The following EPB41L3 variants were observed in gnomAD, a reference collection of about 807,000 sequenced individuals.
The protein encoded by EPB41L3 is erythrocyte membrane protein band 4.1 like 3.
A neutral mutation model predicts 127.1 loss-of-function variants in EPB41L3; 57 were observed. The observed-to-expected ratio is 0.45, with a 90% confidence interval of 0.36 to 0.56. The LOEUF (loss-of-function observed/expected upper bound fraction) is 0.56, where lower values mean the gene tolerates loss of function less well. Ranked by LOEUF, EPB41L3 falls within the 20% of genes least tolerant of loss-of-function variation. EPB41L3 has a pLI of 0.00. For synonymous variants in EPB41L3, 572 were observed against 549.5 expected (o/e 1.04, Z -0.57); for missense variants, 1,273 against 1,372.2 (o/e 0.93, Z 1.14).
intron 5 of EPB41L3, among the ~76,000 whole-genome samples, chr18:5,438,459 T>C (rs1314683170): frequency 2.0e-5 from 3 of 152,232 alleles, no homozygotes; most frequent in African/African-American, 7.2e-5. Context: ...GCTGGATTTA[T>C]TGCTGCGAAT....
intron 1 of EPB41L3, among the ~76,000 whole-genome samples, chr18:5,511,395 T>C (rs958853390): frequency 8.0e-6 from 1 of 124,440 alleles, no homozygotes; most frequent in Non-Finnish European, 1.7e-5. Context: ...ATTTTGGTTT[T>C]TTTTTTTTTT....
At position 5,397,950 on chromosome 18, in the gene EPB41L3, C is replaced by A. The variant is rs147573779; in HGVS notation, c.2472+71G>T. 1 of 1,596,090 alleles carries A rather than the reference C, an allele frequency of 6.3e-7. No individual in the cohort carries two copies. Among genetic ancestry groups the A allele is most frequent in the Non-Finnish European group, 8.6e-7 (1 of 1,167,576 alleles). On this transcript the variant is annotated intron_variant, in intron 17 of 22. Transcript: ENST00000341928. The surrounding 1 kb of genome is among the most constrained non-coding windows in gnomAD (Gnocchi z 4.1). The stretch of plus-strand genomic sequence containing the variant: ...CCAGCTGGATGCAACCACACACTCA[C>A]GCCCAAAAAAAGGGTAAGGAAAGGC...
intron 3 of EPB41L3, among the ~76,000 whole-genome samples, chr18:5,557,489 A>G (rs2094055934): frequency 6.6e-6 from 1 of 152,076 alleles, no homozygotes; most frequent in African/African-American, 2.4e-5. Context: ...GGCTCAAGCA[A>G]TTCTCCCACC....
chr18:5,452,378 C>CTTT (rs10700644), intron 3 of EPB41L3, among the ~76,000 whole-genome samples: 56 of 145,324 alleles, frequency 3.9e-4, no homozygotes, highest in East Asian at 1.4e-3. Flanking sequence ...GCCTAAAATC[C>CTTT]TTTTTTTTTT....
intron 1 of EPB41L3, among the ~76,000 whole-genome samples, chr18:5,520,875 T>A (rs1405689549): frequency 6.6e-6 from 1 of 152,174 alleles, no homozygotes; most frequent in East Asian, 1.9e-4. Flanking sequence ...AAGAAACCTT[T>A]AAGAATGCAT....
Position 5,428,361 on chromosome 18 carries a change from C to A in EPB41L3, c.1017G>T (p.Lys339Asn). The A allele has an allele frequency of 6.2e-7, 1 of 1,614,182 alleles. No homozygotes were observed. Among genetic ancestry groups the A allele is most frequent in the Non-Finnish European group, 8.5e-7 (1 of 1,180,036 alleles). Residue 339 changes from lysine to asparagine, a missense_variant, in exon 9 of 23, where the codon AAG becomes AAT. This residue lies in a region of EPB41L3 where 326 missense variants were observed against 440.2 expected (regional missense o/e 0.74). Coordinates refer to ENST00000341928, the MANE Select transcript of EPB41L3 (RefSeq NM_012307.5). ...INRFAWPKVL[K>N]ISYKRNNFYI... ...AAAAGTTGTTCCGTTTGTATGAAAT[C>A]TTTAGAACCTTGGGCCAGGCAAATC...
intron 1 of EPB41L3, among the ~76,000 whole-genome samples, chr18:5,541,084 CAAA>C (rs147766745): frequency 1.3e-5 from 1 of 76,326 alleles, no homozygotes; most frequent in African/African-American, 5.7e-5. Flanking sequence ...GACTCCGTCT[CAAA>C]AAAAAAAAAA....
chr18:5,616,427 T>A (rs1436589613), intron 1 of EPB41L3, among the ~76,000 whole-genome samples: 1 of 152,184 alleles, frequency 6.6e-6, no homozygotes, highest in African/African-American at 2.4e-5. Context: ...TAAAGTGTTT[T>A]TATGATGCAA....
At chr18:5,416,852 A>T (rs896320914) in intron 12 of EPB41L3, among the ~76,000 whole-genome samples, 7 of 143,868 alleles carry the variant, frequency 4.9e-5, no homozygotes, top group African/African-American at 1.3e-4. Flanking sequence ...GATTTTGATT[A>T]AAAAAAAAAA....
chr18:5,528,985 T>A (rs548441147), intron 1 of EPB41L3: 10 of 152,354 alleles, frequency 6.6e-5, no homozygotes, highest in African/African-American at 2.4e-4. Context: ...GCACTATTTC[T>A]GCTCATCTGT....
Position 5,419,850 on chromosome 18 carries a change from G to A in EPB41L3, c.1367C>T (p.Thr456Ile). 1.2e-6 allele frequency: 2 copies of A among 1,614,186 alleles called. No homozygotes were observed. The highest frequency in any genetic ancestry group is 8.5e-7 in the Non-Finnish European group (1 of 1,180,036). Residue 456 changes from threonine (T) to isoleucine (I), a missense_variant, in exon 12 of 23, where the codon ACA becomes ATA. Coordinates refer to ENST00000341928, the MANE Select transcript of EPB41L3 (RefSeq NM_012307.5). Reference protein sequence around the residue: ...GEVGTGQYATTKGISQTNLIT... With the variant: ...GEVGTGQYATIKGISQTNLIT... ...CAAGTTGGTCTGAGAGATGCCTTTT[G>A]TTGTGGCGTACTGGCCAGTACCAAC...
intron 1 of EPB41L3, among the ~76,000 whole-genome samples, chr18:5,616,925 T>A (rs1348770289): frequency 6.6e-6 from 1 of 152,254 alleles, no homozygotes; most frequent in African/African-American, 2.4e-5. Context: ...CTTGCTATTA[T>A]GGAGAATTTT....
rs746251961 is a variant in EPB41L3 at position 5,415,866 on chromosome 18, G to T, written c.2019C>A (p.Ser673=). 2 of 1,613,466 alleles carry T rather than the reference G, an allele frequency of 1.2e-6. No homozygotes were observed. Among genetic ancestry groups the T allele is most frequent in the Non-Finnish European group, 8.5e-7 (1 of 1,179,896 alleles). Residue 673 remains serine, a synonymous_variant, in exon 13 of 23, where the codon TCC becomes TCA. Coordinates refer to ENST00000341928, the MANE Select transcript of EPB41L3 (RefSeq NM_012307.5). ...GGTCATTGTCTAGGGAGGCGCTCAA[G>T]GAGGCCGCCTTGGGCTCCAGGTAGC... ...CLCYLEPKAA[S]LSASLDNDPS... is the part of the protein sequence containing the mutation.
intron 1 of EPB41L3, among the ~76,000 whole-genome samples, chr18:5,625,786 A>T: frequency 6.6e-6 from 1 of 152,060 alleles, no homozygotes; most frequent in East Asian, 1.9e-4. Flanking sequence ...TCCCCATTTC[A>T]CTGATGAGGA....
At chr18:5,518,101 T>C (rs922909108) in intron 1 of EPB41L3, among the ~76,000 whole-genome samples, 2 of 152,184 alleles carry the variant, frequency 1.3e-5, no homozygotes, top group African/African-American at 4.8e-5. Context: ...TTACTCATCC[T>C]ATAGAGCTCC....
At chr18:5,456,078 T>C (rs2083011156) in intron 3 of EPB41L3, among the ~76,000 whole-genome samples, 1 of 152,196 alleles carries the variant, frequency 6.6e-6, no homozygotes, top group Non-Finnish European at 1.5e-5. Flanking sequence ...TTGTGATTTA[T>C]AATTCATTTG....
chr18:5,516,833 T>A (rs946021821), intron 1 of EPB41L3, among the ~76,000 whole-genome samples: 2 of 152,238 alleles, frequency 1.3e-5, no homozygotes, highest in Non-Finnish European at 2.9e-5. Context: ...TGGAAAGGCC[T>A]CAATTTGCCA....
At chr18:5,489,330 C>T in intron 1 of EPB41L3, 136 bp from the exon 2 acceptor site, 2 of 960,768 alleles carry the variant, frequency 2.1e-6, no homozygotes, top group Non-Finnish European at 2.9e-6. Context: ...TCCTATTCCA[C>T]ACACTGGACA....
chr18:5,490,435 T>G (rs74473754), intron 1 of EPB41L3, among the ~76,000 whole-genome samples: 23,063 of 152,110 alleles, frequency 0.15, 1,872 homozygotes, highest in Middle Eastern at 0.17. Context: ...TTTAATAATT[T>G]GAAGAAAAGG....
Sources: gnomAD v4.1 joint callset for allele counts (sites outside exome capture counted in the v4.1 genomes callset) on GRCh38, gnomAD v4.1.1 for gene constraint, gnomAD v4.1.1 regional missense constraint, Gnocchi (gnomAD v3.1) non-coding constraint, MANE v1.5 for transcripts, NCBI Gene and HGNC (gene_info 2026-07-23, HGNC 2026-07-21) for gene names.